SMC1B: variants seen among roughly 807,000 people sequenced by gnomAD.
The protein encoded by SMC1B is structural maintenance of chromosomes protein 1B.
A neutral mutation model predicts 157.9 loss-of-function variants in SMC1B; 60 were observed. The ratio of observed to expected loss-of-function variants is 0.38; its 90% CI spans 0.31 to 0.47. The LOEUF (loss-of-function observed/expected upper bound fraction) is 0.47, where lower values mean the gene tolerates loss of function less well. Ranked by LOEUF, SMC1B falls within the 20% of genes least tolerant of loss-of-function variation. The pLI is 0.99. For missense variants in SMC1B, 1,165 were observed against 1,426.2 expected, an observed-to-expected ratio of 0.82 and a Z score of 2.95; for synonymous variants, 445 against 483.0, an observed-to-expected ratio of 0.92 and a Z score of 1.03.
rs1266842105 is a variant in SMC1B at position 45,393,636 on chromosome 22, C to T, written c.1543G>A (p.Val515Met). ...AATTAACTATTCATTCTCATTACCA[C>T]AGAATCTGGGTACAGTCTTTTAAGG... ...EHLKRLYPDS[V>M]FGRLFDLCHP... The change falls in exon 9 of 25, where the codon GTG (valine) becomes ATG (methionine). Residue 515 changes from valine to methionine, a missense_variant and splice_region_variant. Physicochemically the swap from Val to Met is conservative, Grantham distance 21. Coordinates refer to ENST00000357450, the MANE Select transcript of SMC1B (RefSeq NM_148674.5). 1.2e-6 allele frequency: 2 copies of T among 1,604,952 alleles called. No individual in the cohort carries two copies. Among genetic ancestry groups the T allele is most frequent in the Non-Finnish European group, 1.7e-6 (2 of 1,177,140 alleles).
At chr22:45,346,116 A>G (rs1277558522) in intron 23 of SMC1B, among the ~76,000 whole-genome samples, 2 of 151,562 alleles carry the variant, frequency 1.3e-5, no homozygotes, top group Non-Finnish European at 2.9e-5. Flanking sequence ...GAGGCAGGAA[A>G]ATCGCTTGAA....
intron 19 of SMC1B, among the ~76,000 whole-genome samples, chr22:45,355,399 A>C (rs2086659990): frequency 1.3e-5 from 2 of 152,164 alleles, no homozygotes; most frequent in African/African-American, 4.8e-5. Context: ...TTCATAATCT[A>C]CTATGTATTA....
chr22:45,395,898 G>A (rs1196017075), intron 7 of SMC1B, among the ~76,000 whole-genome samples: 2 of 152,054 alleles, frequency 1.3e-5, no homozygotes, highest in African/African-American at 4.8e-5. Flanking sequence ...AATTATTTTT[G>A]GCTTTTTTAG....
Position 45,408,725 on chromosome 22 carries a change from C to T in SMC1B, c.283G>A (p.Ala95Thr). 6.3e-7 allele frequency: 1 copy of T among 1,590,534 alleles called. No homozygotes were observed. Among genetic ancestry groups the T allele is most frequent in the Non-Finnish European group, 8.5e-7 (1 of 1,172,004 alleles). ...VEESGEEKTF[A>T]RIIRGGCSEF... is the part of the protein sequence containing the mutation. The stretch of plus-strand genomic sequence containing the variant: ...AAAAAAATACCTCGGATAATCCTTG[C>T]AAATGTTTTCTCTTCGCCACTTTCC... Residue 95 changes from alanine (A) to threonine (T), a missense_variant, in exon 2 of 25, where the codon GCA becomes ACA. Transcript: ENST00000357450.
At chr22:45,352,923 C>T (rs145595775) in intron 21 of SMC1B, among the ~76,000 whole-genome samples, 2 of 152,276 alleles carry the variant, frequency 1.3e-5, no homozygotes, top group Non-Finnish European at 2.9e-5. Flanking sequence ...GTTCATCAAA[C>T]ATGTACTGAA....
chr22:45,394,131 G>C (rs2087094522), intron 8 of SMC1B, among the ~76,000 whole-genome samples: 2 of 151,554 alleles, frequency 1.3e-5, no homozygotes, highest in Admixed American at 1.3e-4. Context: ...GACCAGCCTG[G>C]CAACATGGCA....
chr22:45,372,562 C>T (rs998900656), intron 12 of SMC1B, among the ~76,000 whole-genome samples: 8 of 152,066 alleles, frequency 5.3e-5, no homozygotes, highest in Non-Finnish European at 8.8e-5. Context: ...TTCCATCCAA[C>T]GCACATTAAT....
At chr22:45,358,932 A>C in intron 18 of SMC1B, 137 bp from the exon 19 acceptor site, 1 of 482,246 alleles carries the variant, frequency 2.1e-6, no homozygotes, top group East Asian at 3.4e-5. Flanking sequence ...GACATATAAT[A>C]ATAAAAAAGT....
At chr22:45,391,780 TTTTTAA>T (rs1469963257) in intron 9 of SMC1B, among the ~76,000 whole-genome samples, 1 of 151,840 alleles carries the variant, frequency 6.6e-6, no homozygotes, top group Non-Finnish European at 1.5e-5. Flanking sequence ...CTCGTCTGAG[TTTTTAA>T]TTAATATCCC....
chr22:45,373,152 A>G (rs541042287), intron 12 of SMC1B, among the ~76,000 whole-genome samples: 104 of 152,278 alleles, frequency 6.8e-4, no homozygotes, highest in African/African-American at 2.4e-3. Flanking sequence ...TACATCTGAC[A>G]TGTATTGATT....
At chr22:45,356,710 T>C (rs1283103738) in intron 19 of SMC1B, among the ~76,000 whole-genome samples, 1 of 151,024 alleles carries the variant, frequency 6.6e-6, no homozygotes, top group Non-Finnish European at 1.5e-5. Context: ...CCTGGGGAAA[T>C]ACTTAATTTT....
chr22:45,367,010 T>G (rs1315659487), intron 15 of SMC1B, among the ~76,000 whole-genome samples: 1 of 152,158 alleles, frequency 6.6e-6, no homozygotes, highest in Non-Finnish European at 1.5e-5. Context: ...TCCGATAAAT[T>G]TCTGAGTTGC....
chr22:45,355,349 G>A (rs1451959542), intron 19 of SMC1B, among the ~76,000 whole-genome samples: 1 of 152,124 alleles, frequency 6.6e-6, no homozygotes, highest in African/African-American at 2.4e-5. Context: ...TCTGGGTAAA[G>A]AGCAACAATT....
intron 12 of SMC1B, among the ~76,000 whole-genome samples, chr22:45,379,412 A>C (rs142515310): frequency 7.9e-4 from 121 of 152,328 alleles, no homozygotes; most frequent in African/African-American, 2.8e-3. Flanking sequence ...ACATACAAAA[A>C]TTTCATTACT....
At chr22:45,366,068 G>A (rs1315513639) in intron 15 of SMC1B, among the ~76,000 whole-genome samples, 1 of 152,160 alleles carries the variant, frequency 6.6e-6, no homozygotes, top group African/African-American at 2.4e-5. Flanking sequence ...CTGTCACCTA[G>A]GCTGGAATCT....
Position 45,344,516 on chromosome 22 carries a change from G to A in SMC1B, c.*40C>T. On this transcript the variant is annotated 3_prime_UTR_variant, in exon 25 of 25. Transcript: ENST00000357450. Reference sequence around the variant, plus strand: ...GAGGAGCTGTGTGAGTATTAGAGTGGGAACTGAACAGTGATCAGGTGACTG... The same window carrying A: ...GAGGAGCTGTGTGAGTATTAGAGTGAGAACTGAACAGTGATCAGGTGACTG... 2 of 1,416,168 alleles carry A rather than the reference G, an allele frequency of 1.4e-6. No homozygotes were observed. The highest frequency in any genetic ancestry group is 2.0e-6 in the Non-Finnish European group (2 of 1,000,428). The allele number at this position is 1,416,168 out of a possible 1,614,324, so 87.7% of individuals were successfully genotyped here. A position where few individuals can be genotyped will look rare whatever the true frequency, so the allele number is the denominator to read the frequency against.
chr22:45,368,542 G>A (rs552055402), intron 15 of SMC1B, among the ~76,000 whole-genome samples: 178 of 142,832 alleles, frequency 1.2e-3, no homozygotes, highest in East Asian at 2.0e-3. Flanking sequence ...TTCTGAGACC[G>A]AGTCTCGCTC....
intron 4 of SMC1B, among the ~76,000 whole-genome samples, chr22:45,404,395 G>T (rs1372285504): frequency 1.3e-5 from 2 of 152,168 alleles, no homozygotes; most frequent in Non-Finnish European, 2.9e-5. Flanking sequence ...GTTGTCTCTT[G>T]TGGGGAAAAA....
intron 10 of SMC1B, among the ~76,000 whole-genome samples, chr22:45,387,864 TCTA>T (rs2087006674): frequency 6.6e-6 from 1 of 152,162 alleles, no homozygotes; most frequent in East Asian, 1.9e-4. Flanking sequence ...AAACCCTGTC[TCTA>T]CTAAAAACAC....
Sources: allele counts gnomAD v4.1 joint callset (sites outside exome capture counted in the v4.1 genomes callset), GRCh38; gene constraint gnomAD v4.1.1; transcripts MANE v1.5; gene names NCBI Gene and HGNC (gene_info 2026-07-23, HGNC 2026-07-21).